ERMP1: variants seen among roughly 807,000 people sequenced by gnomAD.
ERMP1 encodes Felix-ina.
In ERMP1, 86 loss-of-function variants were observed where a neutral mutation model predicts 92.0. The ratio of observed to expected loss-of-function variants is 0.93; its 90% CI spans 0.79 to 1.12. The LOEUF is 1.12. ERMP1 is among the 50% of genes most tolerant of loss of function. The probability of loss-of-function intolerance (pLI) is 0.00; values close to 1 mark genes in which losing one functional copy is unlikely to be tolerated. For missense variants in ERMP1, 1,342 were observed against 1,116.3 expected (o/e 1.20, Z -2.88); for synonymous variants, 530 against 412.8 (o/e 1.28, Z -3.44).
chr9:5,845,546 T>C (rs10118298), intron 6 of ERMP1, among the ~76,000 whole-genome samples: 83,946 of 151,994 alleles, frequency 0.55, 23,891 homozygotes, highest in South Asian at 0.68. Flanking sequence ...GATCGATCGA[T>C]AGATTATCTG....
rs751551980 is a variant in ERMP1 at position 5,805,610 on chromosome 9, C to T, written c.1723+1G>A. 1 of 1,570,254 alleles carries T rather than the reference C, an allele frequency of 6.4e-7. No individual in the cohort carries two copies. The highest frequency in any genetic ancestry group is 2.3e-5 in the East Asian group (1 of 42,598). On this transcript the variant is annotated splice_donor_variant, in intron 9 of 14. Transcript: ENST00000339450. LOFTEE classifies it high-confidence loss of function. Reference sequence around the variant, plus strand: ...GTATATCAAAATCAAAAATACCCTACCATGCTGCTTGAAGTCCTTATGCAC... The same window carrying T: ...GTATATCAAAATCAAAAATACCCTATCATGCTGCTTGAAGTCCTTATGCAC...
rs757617963 is a variant in ERMP1 at position 5,801,375 on chromosome 9, T to G, written c.1915-47A>C. On this transcript the variant is annotated intron_variant, in intron 10 of 14. Transcript: ENST00000339450. ...CAGAAATATTACAAATTCATTCTAG[T>G]GGTGGAAAGGTGTTTTTAACTAACT... The G allele has an allele frequency of 1.7e-5, 26 of 1,575,022 alleles. No individual in the cohort carries two copies. In the South Asian group the frequency reaches 2.9e-4, roughly 18 times the overall value.
At chr9:5,792,454 T>C (rs1828237521) in intron 13 of ERMP1, among the ~76,000 whole-genome samples, 1 of 152,178 alleles carries the variant, frequency 6.6e-6, no homozygotes, top group East Asian at 1.9e-4. Flanking sequence ...GGCCAAATGC[T>C]CCTGGATCTG....
Position 5,838,628 on chromosome 9 carries a change from G to A in ERMP1, n.3200-5316C>T, listed in dbSNP as rs567895619. On this transcript the variant is annotated intron_variant and non_coding_transcript_variant, in intron 6 of 6. Transcript: ENST00000690753. ...AGGTGTGATTTCAAAAAATGCAAAA[G>A]GATACTCATCTGTAAAAATCAAATA... Among the ~76,000 whole-genome samples the A allele has an allele frequency of 1.1e-4, 17 of 151,824 alleles. No individual in the cohort carries two copies. In the South Asian group the frequency reaches 3.1e-3, roughly 28 times the overall value.
intron 10 of ERMP1, among the ~76,000 whole-genome samples, chr9:5,803,708 A>C (rs117193362): frequency 2.0e-5 from 3 of 152,172 alleles, no homozygotes; most frequent in Non-Finnish European, 4.4e-5. Flanking sequence ...CCTATCAAAA[A>C]TACAGATGAT....
At chr9:5,804,772 G>C (rs2131225299) in intron 10 of ERMP1, among the ~76,000 whole-genome samples, 1 of 152,104 alleles carries the variant, frequency 6.6e-6, no homozygotes, top group East Asian at 1.9e-4. Context: ...TATCTGACAG[G>C]CTATTTGAAA....
intron 5 of ERMP1, 142 bp downstream of exon 5, chr9:5,812,745 ACT>A (rs1435419354): frequency 1.3e-5 from 12 of 895,290 alleles, no homozygotes; most frequent in African/African-American, 1.2e-4. Flanking sequence ...AAGGAAACAA[ACT>A]CTGTTTTAGT....
At chr9:5,820,057 T>C (rs1242601992) in intron 4 of ERMP1, among the ~76,000 whole-genome samples, 1 of 152,202 alleles carries the variant, frequency 6.6e-6, no homozygotes, top group African/African-American at 2.4e-5. Context: ...CCCAGCACTT[T>C]GGGAAACTGA....
intron 6 of ERMP1, among the ~76,000 whole-genome samples, chr9:5,844,085 A>G (rs912413455): frequency 3.3e-5 from 5 of 152,006 alleles, no homozygotes; most frequent in African/African-American, 9.7e-5. Context: ...TCAAACATAC[A>G]TTTCCTTACC....
At chr9:5,845,333 C>A (rs998325343) in intron 6 of ERMP1, among the ~76,000 whole-genome samples, 2 of 151,950 alleles carry the variant, frequency 1.3e-5, no homozygotes, top group Admixed American at 6.6e-5. Flanking sequence ...GAGGCCAAGG[C>A]GGGAGGATCA....
At chr9:5,821,679 G>T (rs1049116924) in intron 4 of ERMP1, among the ~76,000 whole-genome samples, 2 of 152,176 alleles carry the variant, frequency 1.3e-5, no homozygotes, top group African/African-American at 4.8e-5. Context: ...TCTAGAAAGG[G>T]TGCAGATTAA....
intron 13 of ERMP1, among the ~76,000 whole-genome samples, chr9:5,789,122 C>T (rs1215585367): frequency 6.6e-6 from 1 of 151,678 alleles, no homozygotes; most frequent in Non-Finnish European, 1.5e-5. Flanking sequence ...TCCAAGAAAG[C>T]ATTCCAGAAA....
intron 10 of ERMP1, among the ~76,000 whole-genome samples, chr9:5,802,587 T>C (rs947762967): frequency 1.3e-5 from 2 of 152,172 alleles, no homozygotes; most frequent in African/African-American, 2.4e-5. Context: ...GGTTTCACCA[T>C]GTTGGCCAGG....
chr9:5,831,552 C>T (rs1829939950), intron 1 of ERMP1, among the ~76,000 whole-genome samples: 1 of 152,098 alleles, frequency 6.6e-6, no homozygotes, highest in Non-Finnish European at 1.5e-5. Context: ...AGGCTACAGA[C>T]CCGAGATGGA....
At chr9:5,808,035 G>A (rs935537801) in intron 8 of ERMP1, among the ~76,000 whole-genome samples, 1 of 151,816 alleles carries the variant, frequency 6.6e-6, no homozygotes. Context: ...ATATTGCCCA[G>A]GCTGGTCTCA....
At position 5,813,034 on chromosome 9, in the gene ERMP1, A is replaced by C. The variant is rs1174915685; in HGVS notation, c.876T>G (p.Gly292=). The change falls in exon 5 of 15, where the codon GGT becomes GGG. Residue 292 remains glycine, a splice_region_variant and synonymous_variant. Transcript: ENST00000339450. ...CTTGAACCAACCAAGGATTTTCAGG[A>C]CCTAAAATGAAAGATGACAACACAA... ...VGGKELVFQT[G]PENPWLVQAY... 1 of 1,613,704 alleles carries C rather than the reference A, an allele frequency of 6.2e-7. No individual in the cohort carries two copies. Among genetic ancestry groups the C allele is most frequent in the African/African-American group, 1.3e-5 (1 of 74,910 alleles).
chr9:5,861,058 T>TA (rs1464768764), intron 5 of ERMP1, among the ~76,000 whole-genome samples: 9 of 152,174 alleles, frequency 5.9e-5, no homozygotes, highest in Non-Finnish European at 1.0e-4. Context: ...GTCTGTGGTA[T>TA]TCTGTTATAG....
At chr9:5,850,367 T>TGC (rs1830293266) in intron 6 of ERMP1, among the ~76,000 whole-genome samples, 1 of 115,290 alleles carries the variant, frequency 8.7e-6, no homozygotes, top group African/African-American at 3.4e-5. Flanking sequence ...ATCGCACCAT[T>TGC]GCACTCCAGC....
chr9:5,813,079 T>G (rs1563761211), intron 4 of ERMP1, 44 bp from the exon 5 acceptor site: 11 of 1,605,866 alleles, frequency 6.8e-6, no homozygotes, highest in Non-Finnish European at 9.4e-6. Flanking sequence ...TTCCGGCAAT[T>G]TTTTTTAACA....
Sources: allele counts gnomAD v4.1 joint callset (sites outside exome capture counted in the v4.1 genomes callset), GRCh38; gene constraint gnomAD v4.1.1; transcripts MANE v1.5; gene names NCBI Gene and HGNC (gene_info 2026-07-23, HGNC 2026-07-21).